Variants in CENPH observed in about 807,000 individuals in gnomAD.
The protein encoded by CENPH is CENP-H.
In CENPH, 40 loss-of-function variants were observed where a neutral mutation model predicts 42.9. That is an observed-to-expected ratio of 0.93 (90% CI 0.72 to 1.21). CENPH has a LOEUF of 1.21. CENPH is among the 50% of genes most tolerant of loss of function. The pLI, the probability that CENPH is intolerant of heterozygous loss-of-function variation, is 0.00. For missense variants in CENPH, 302 were observed against 292.9 expected, an observed-to-expected ratio of 1.03 and a Z score of -0.23; for synonymous variants, 88 against 96.5, an observed-to-expected ratio of 0.91 and a Z score of 0.52.
chr5:69,191,863 A>G lies in CENPH; in HGVS notation c.190+13A>G. The G allele has an allele frequency of 7.0e-7, 1 of 1,428,372 alleles. No homozygotes were observed. The highest frequency in any genetic ancestry group is 9.9e-7 in the Non-Finnish European group (1 of 1,014,316). The allele number at this position is 1,428,372 out of a possible 1,614,324, so 88.5% of individuals were successfully genotyped here. ...ATGGTTGATGCAAGTAAGTATTTTC[A>G]TTTTCAAATTAGGGTTTTGTTGTTT... On this transcript the variant is annotated intron_variant, in intron 2 of 8. Coordinates refer to ENST00000283006, the MANE Select transcript of CENPH (RefSeq NM_022909.4).
At chr5:69,205,531 T>C (rs1444350486) in intron 7 of CENPH, among the ~76,000 whole-genome samples, 1 of 151,988 alleles carries the variant, frequency 6.6e-6, no homozygotes, top group East Asian at 1.9e-4. Context: ...CCGGCCTTTT[T>C]GTTTTTTGAG....
rs184305651 is a variant in CENPH at position 69,194,834 on chromosome 5, C to A, written c.239+139C>A. The stretch of plus-strand genomic sequence containing the variant: ...TGATCATAGTTCATTGAAGCCACAA[C>A]CTCCTGGGCTCAAGGGATCCACTGG... On this transcript the variant is annotated intron_variant, in intron 3 of 8. Transcript: ENST00000283006. The A allele has an allele frequency of 1.8e-4, 90 of 501,422 alleles. 1 individual carries two copies. The highest frequency in any genetic ancestry group is 2.4e-4 in the Non-Finnish European group (69 of 284,588). The allele number at this position is 501,422 out of a possible 1,614,324, so 31.1% of individuals were successfully genotyped here.
chr5:69,196,379 T>A (rs1747964194), intron 4 of CENPH, among the ~76,000 whole-genome samples: 1 of 152,192 alleles, frequency 6.6e-6, no homozygotes, highest in Non-Finnish European at 1.5e-5. Flanking sequence ...GCGCGGTGGC[T>A]CGCGCCTGTA....
chr5:69,208,956 G>A (rs1748204024), intron 8 of CENPH, among the ~76,000 whole-genome samples: 2 of 126,420 alleles, frequency 1.6e-5, no homozygotes, highest in African/African-American at 6.2e-5. Flanking sequence ...CACCACACCT[G>A]GCTAATTTTT....
chr5:69,209,864 G>A lies in CENPH; in HGVS notation c.*65G>A, dbSNP rs2112099350. ...CTCAACTCTTATTTGGAATACTTCTGTGCATTTGTCTGTCCACCGTAATTT... is the reference window on the plus strand; with the variant it reads ...CTCAACTCTTATTTGGAATACTTCTATGCATTTGTCTGTCCACCGTAATTT... On this transcript the variant is annotated 3_prime_UTR_variant, in exon 9 of 9. Transcript: ENST00000283006. 4 of 911,866 alleles carry A rather than the reference G, an allele frequency of 4.4e-6. No homozygotes were observed. In the East Asian group the frequency reaches 9.7e-5, roughly 22 times the overall value. 56.5% of individuals were successfully genotyped at this position (911,866 alleles called of 1,614,324 possible). A position where few individuals can be genotyped will look rare whatever the true frequency, so the allele number is the denominator to read the frequency against.
Position 69,209,851 on chromosome 5 carries a change from T to C in CENPH, c.*52T>C, listed in dbSNP as rs765798184. 3.0e-6 allele frequency: 3 copies of C among 1,009,152 alleles called. No individual in the cohort carries two copies. The highest frequency in any genetic ancestry group is 3.1e-6 in the Non-Finnish European group (2 of 638,462). 62.5% of individuals were successfully genotyped at this position (1,009,152 alleles called of 1,614,324 possible). ...CATTTCTGGCAATCTCAACTCTTAT[T>C]TGGAATACTTCTGTGCATTTGTCTG... On this transcript the variant is annotated 3_prime_UTR_variant, in exon 9 of 9. Coordinates refer to ENST00000283006, the MANE Select transcript of CENPH (RefSeq NM_022909.4).
At chr5:69,197,299 G>A (rs1038861560) in intron 5 of CENPH, 190 bp downstream of exon 5, 2 of 412,782 alleles carry the variant, frequency 4.8e-6, no homozygotes, top group African/African-American at 4.1e-5. Context: ...GTTCCGTATG[G>A]ATTGTAACTG....
Position 69,208,127 on chromosome 5 carries a change from A to G in CENPH, c.488-69A>G. 3 of 811,514 alleles carry G rather than the reference A, an allele frequency of 3.7e-6. No homozygotes were observed. The South Asian group carries it at 8.3e-5, about 23-fold the overall frequency. 50.3% of individuals were successfully genotyped at this position (811,514 alleles called of 1,614,324 possible). A position where few individuals can be genotyped will look rare whatever the true frequency, so the allele number is the denominator to read the frequency against. ...AAATAACCAAGAAGTGATCTGCTTC[A>G]TAATTTTTCAAGATCCTTGTTTATA... On this transcript the variant is annotated intron_variant, in intron 7 of 8. Coordinates refer to ENST00000283006, the MANE Select transcript of CENPH (RefSeq NM_022909.4).
chr5:69,200,755 A>G (rs1284585372), intron 5 of CENPH, among the ~76,000 whole-genome samples: 1 of 14,236 alleles, frequency 7.0e-5, no homozygotes, highest in Admixed American at 8.8e-4. Context: ...TTTTTTTTTG[A>G]GACGGAATCT....
At chr5:69,202,287 C>A (rs1272988867) in intron 5 of CENPH, among the ~76,000 whole-genome samples, 1 of 152,058 alleles carries the variant, frequency 6.6e-6, no homozygotes, top group Non-Finnish European at 1.5e-5. Context: ...TGTCTGTGAC[C>A]AAACATTTTT....
chr5:69,193,131 A>G (rs1747905240), intron 2 of CENPH, among the ~76,000 whole-genome samples: 1 of 151,394 alleles, frequency 6.6e-6, no homozygotes, highest in Non-Finnish European at 1.5e-5. Context: ...ATATATATAT[A>G]CACACACACA....
In CENPH at chr5:69,202,472, AC is replaced by A; in HGVS notation, c.372-32del. ...ATTATTTTTAATTAAGTTACAAATA[AC>A]CTTAATAAATCATCTTTTTGTTTCC... On this transcript the variant is annotated intron_variant, in intron 5 of 8. Transcript: ENST00000283006. 3 of 1,228,350 alleles carry A rather than the reference AC, an allele frequency of 2.4e-6. No homozygotes were observed. The South Asian group carries it at 4.0e-5, about 16-fold the overall frequency. 76.1% of individuals were successfully genotyped at this position (1,228,350 alleles called of 1,614,324 possible). A position where few individuals can be genotyped will look rare whatever the true frequency, so the allele number is the denominator to read the frequency against.
At chr5:69,197,839 A>G (rs1355959636) in intron 5 of CENPH, among the ~76,000 whole-genome samples, 4 of 147,868 alleles carry the variant, frequency 2.7e-5, no homozygotes, top group African/African-American at 7.4e-5. Context: ...AATTATTATG[A>G]GCAAAAAAAA....
Position 69,189,621 on chromosome 5 carries a change from C to G in CENPH, c.-14C>G. ...GTTTGCCTGTTGAGTGGTAGCCTTT[C>G]CCCTCAACCAGCAATGGAGGAGCAG... is the stretch of plus-strand genomic sequence containing the variant. On this transcript the variant is annotated 5_prime_UTR_variant, in exon 1 of 9. Coordinates refer to ENST00000283006, the MANE Select transcript of CENPH (RefSeq NM_022909.4). The G allele has an allele frequency of 1.3e-6, 2 of 1,591,890 alleles. No individual in the cohort carries two copies. Among genetic ancestry groups the G allele is most frequent in the African/African-American group, 1.3e-5 (1 of 74,612 alleles).
chr5:69,197,136 G>T (rs375170731), intron 5 of CENPH, 27 bp downstream of exon 5: 2 of 1,426,588 alleles, frequency 1.4e-6, no homozygotes, highest in East Asian at 4.8e-5. Context: ...CTCTGGATTC[G>T]GTAAGGATGG....
In CENPH at chr5:69,195,743, T is replaced by C; in HGVS notation, c.266T>C (p.Ile89Thr). The change falls in exon 4 of 9, where the codon ATT (isoleucine) becomes ACT (threonine). Residue 89 changes from isoleucine (I) to threonine (T), a missense_variant. Ile to Thr is a moderately conservative substitution (Grantham distance 89). Coordinates refer to ENST00000283006, the MANE Select transcript of CENPH (RefSeq NM_022909.4). ...EAKIEDLENEIEEVKVAFEIK... is the reference protein window; with the variant it reads ...EAKIEDLENETEEVKVAFEIK... ...AAAATTGAAGACCTGGAAAATGAAA[T>C]TGAAGAGGTAAAAGTTGCTTTTGAG... is the stretch of plus-strand genomic sequence containing the variant. The C allele has an allele frequency of 1.9e-6, 3 of 1,563,524 alleles. No homozygotes were observed. Among genetic ancestry groups the C allele is most frequent in the Non-Finnish European group, 2.6e-6 (3 of 1,149,222 alleles).
rs1475730527 is a variant in CENPH, at chr5:69,210,090, C to T, written c.*291C>T. The T allele has an allele frequency of 5.2e-6, 1 of 192,810 alleles. No homozygotes were observed. Among genetic ancestry groups the T allele is most frequent in the African/African-American group, 2.4e-5 (1 of 42,284 alleles). 11.9% of individuals were successfully genotyped at this position (192,810 alleles called of 1,614,324 possible). On this transcript the variant is annotated 3_prime_UTR_variant, in exon 9 of 9. Transcript: ENST00000283006. ...GATCTCGGCTCACTGCAACCTCTGC[C>T]TCCCGGGTTCAAGCAGTTCTGCCTC...
intron 2 of CENPH, among the ~76,000 whole-genome samples, chr5:69,193,392 G>T (rs564946049): frequency 6.8e-6 from 1 of 146,186 alleles, no homozygotes; most frequent in East Asian, 2.0e-4. Context: ...CCAGCACTTT[G>T]AGGGGCCAAG....
chr5:69,198,867 T>C (rs1476395634), intron 5 of CENPH, among the ~76,000 whole-genome samples: 1 of 151,972 alleles, frequency 6.6e-6, no homozygotes, highest in East Asian at 1.9e-4. Context: ...GCCTTGATTC[T>C]AGGAGGTCAT....
Sources: allele counts gnomAD v4.1 joint callset (sites outside exome capture counted in the v4.1 genomes callset), GRCh38; gene constraint gnomAD v4.1.1; transcripts MANE v1.5; gene names NCBI Gene and HGNC (gene_info 2026-07-23, HGNC 2026-07-21).